The following CORO1C variants were observed in gnomAD, a reference collection of about 807,000 sequenced individuals.
CORO1C encodes coronin-1C.
CORO1C carries 14 observed loss-of-function variants against 51.2 expected under a neutral mutation model. That is an observed-to-expected ratio of 0.27 (90% confidence interval 0.18 to 0.43). The LOEUF is 0.43. CORO1C is among the 20% of genes least tolerant of loss of function. CORO1C has a pLI of 1.00. For missense variants in CORO1C, 417 were observed against 607.8 expected, an observed-to-expected ratio of 0.69 and a Z score of 3.30; for synonymous variants, 181 against 210.5, an observed-to-expected ratio of 0.86 and a Z score of 1.21.
In CORO1C at chr12:108,658,830, C is replaced by T. The variant is rs1208573482; in HGVS notation, c.538G>A (p.Val180Met). 1 of 1,613,974 alleles carries T rather than the reference C, an allele frequency of 6.2e-7. No homozygotes were observed. Among genetic ancestry groups the T allele is most frequent in the African/African-American group, 1.3e-5 (1 of 75,044 alleles). Residue 180 changes from valine to methionine, a missense_variant, in exon 5 of 11, where the codon GTG becomes ATG. Coordinates refer to ENST00000261401, the MANE Select transcript of CORO1C (RefSeq NM_014325.4). The surrounding 1 kb of genome is among the most constrained non-coding windows in gnomAD (Gnocchi z 4.9). Reference protein sequence around the residue: ...DDMHSDMIYNVSWNRNGSLIC... With the variant: ...DDMHSDMIYNMSWNRNGSLIC... The stretch of plus-strand genomic sequence containing the variant: ...AGACTGCCATTCCGGTTCCAGCTCA[C>T]ATTGTAAATCATGTCTGAATGCATA...
chr12:108,655,426 C>T (rs1377970908), intron 6 of CORO1C, among the ~76,000 whole-genome samples: 5 of 150,202 alleles, frequency 3.3e-5, no homozygotes, highest in Admixed American at 3.3e-4. Flanking sequence ...CGCTCTCCCT[C>T]TGATGCCGAG....
intron 8 of CORO1C, among the ~76,000 whole-genome samples, chr12:108,650,975 T>A (rs1466251002): frequency 6.6e-6 from 1 of 152,262 alleles, no homozygotes; most frequent in Non-Finnish European, 1.5e-5. Context: ...TTTTGTTTGT[T>A]TGAGACGGAG....
In CORO1C at chr12:108,658,594, C is replaced by A; in HGVS notation, c.630+144G>T. ...GAAGCACAACTGGGGAGACAGAAGCCTTTATAAGCCTTCTCTTATTCACAG... is the reference window on the plus strand; with the variant it reads ...GAAGCACAACTGGGGAGACAGAAGCATTTATAAGCCTTCTCTTATTCACAG... On this transcript the variant is annotated intron_variant, in intron 5 of 10. Coordinates refer to ENST00000261401, the MANE Select transcript of CORO1C (RefSeq NM_014325.4). This position sits in a 1 kb window ranked among gnomAD's most constrained non-coding sequence, Gnocchi z 4.9. 1 of 694,358 alleles carries A rather than the reference C, an allele frequency of 1.4e-6. No homozygotes were observed. The highest frequency in any genetic ancestry group is 2.3e-6 in the Non-Finnish European group (1 of 439,656). The allele number at this position is 694,358 out of a possible 1,614,324, so 43.0% of individuals were successfully genotyped here. A position where few individuals can be genotyped will look rare whatever the true frequency, so the allele number is the denominator to read the frequency against.
intron 1 of CORO1C, among the ~76,000 whole-genome samples, chr12:108,721,820 C>A (rs927255201): frequency 3.9e-5 from 6 of 152,070 alleles, no homozygotes; most frequent in Non-Finnish European, 7.4e-5. Flanking sequence ...AATTTACAAT[C>A]ACTACCATGC....
At chr12:108,671,756 TTTTATTTA>T (rs1314521894) in intron 3 of CORO1C, among the ~76,000 whole-genome samples, 1 of 152,062 alleles carries the variant, frequency 6.6e-6, no homozygotes, top group Non-Finnish European at 1.5e-5. Flanking sequence ...GAGTCAATAA[TTTTATTTA>T]TTTATTTATT....
At chr12:108,688,962 C>T (rs377146727) in intron 2 of CORO1C, among the ~76,000 whole-genome samples, 7 of 149,300 alleles carry the variant, frequency 4.7e-5, no homozygotes, top group East Asian at 2.0e-4. Context: ...GCCTGGGAGA[C>T]GGAGGTTGCA....
chr12:108,714,183 G>A (rs768095116), intron 1 of CORO1C, among the ~76,000 whole-genome samples: 1 of 152,020 alleles, frequency 6.6e-6, no homozygotes, highest in Admixed American at 6.5e-5. Context: ...GAAGTCAAGG[G>A]ATTGAAACCA....
Position 108,678,323 on chromosome 12 carries a change from G to C in CORO1C, c.267C>G (p.Cys89Trp). The C allele has an allele frequency of 6.2e-7, 1 of 1,613,016 alleles. No individual in the cohort carries two copies. Among genetic ancestry groups the C allele is most frequent in the Non-Finnish European group, 8.5e-7 (1 of 1,179,368 alleles). The change falls in exon 3 of 11, where the codon TGC (cysteine) becomes TGG (tryptophan). Residue 89 changes from cysteine (C) to tryptophan (W), a missense_variant. Transcript: ENST00000261401. ...HTGPVLDIDW[C>W]PHNDQVIASG... is the part of the protein sequence containing the mutation. Reference sequence around the variant, plus strand: ...TGGCAATGACCTGATCGTTATGTGGGCACCAGTCTATGTCCAGCACTGGTC... The same window carrying C: ...TGGCAATGACCTGATCGTTATGTGGCCACCAGTCTATGTCCAGCACTGGTC...
chr12:108,647,421 C>T lies in CORO1C; in HGVS notation c.1407G>A (p.Met469Ile), dbSNP rs986144684. The T allele has an allele frequency of 1.9e-6, 3 of 1,613,604 alleles. No individual in the cohort carries two copies. The highest frequency in any genetic ancestry group is 2.5e-6 in the Non-Finnish European group (3 of 1,179,824). The change falls in exon 11 of 11, where the codon ATG becomes ATA. Residue 469 changes from methionine to isoleucine, a missense_variant. Met to Ile is a conservative substitution (Grantham distance 10). Coordinates refer to ENST00000261401, the MANE Select transcript of CORO1C (RefSeq NM_014325.4). ...DERISKLEQQ[M>I]AKIAA is the part of the protein sequence containing the mutation. ...GGGACCTTCAGGCTGCTATCTTTGC[C>T]ATCTGCTGTTCTAACTTGGAAATAC...
intron 1 of CORO1C, among the ~76,000 whole-genome samples, chr12:108,720,350 C>G (rs2035446730): frequency 6.6e-6 from 1 of 152,110 alleles, no homozygotes; most frequent in Non-Finnish European, 1.5e-5. Context: ...TGCTTTTTAT[C>G]AGAACATATG....
rs2035713028 is a variant in CORO1C, at chr12:108,731,080, T to G, written c.-6+349A>C. ...GGCGATCCCTGACCCCTAAAAGCCT[T>G]CCCTGGGCAGCCTCGTCCCACCTCG... On this transcript the variant is annotated intron_variant, in intron 1 of 10. Transcript: ENST00000261401. The surrounding 1 kb of genome is among the most constrained non-coding windows in gnomAD (Gnocchi z 5.2). 1 of 153,068 alleles carries G rather than the reference T, an allele frequency of 6.5e-6. No individual in the cohort carries two copies. Among genetic ancestry groups the G allele is most frequent in the African/African-American group, 2.4e-5 (1 of 41,252 alleles). 9.5% of individuals were successfully genotyped at this position (153,068 alleles called of 1,614,324 possible).
intron 2 of CORO1C, among the ~76,000 whole-genome samples, chr12:108,692,207 C>T (rs2034521958): frequency 6.6e-6 from 1 of 152,128 alleles, no homozygotes; most frequent in Admixed American, 6.5e-5. Flanking sequence ...GGCCCATACA[C>T]TTGGCAGTTG....
At chr12:108,690,267 A>T (rs1044578049) in intron 2 of CORO1C, among the ~76,000 whole-genome samples, 1 of 151,418 alleles carries the variant, frequency 6.6e-6, no homozygotes, top group African/African-American at 2.4e-5. Flanking sequence ...AGGGAACCAG[A>T]AATACCATCC....
chr12:108,715,238 A>AAAAAC (rs202229601), intron 1 of CORO1C, among the ~76,000 whole-genome samples: 12 of 152,232 alleles, frequency 7.9e-5, no homozygotes, highest in Admixed American at 4.6e-4. Flanking sequence ...TGTCTCTTAA[A>AAAAAC]AAAACAAAAC....
intron 1 of CORO1C, among the ~76,000 whole-genome samples, chr12:108,710,225 T>C (rs1051022675): frequency 6.6e-6 from 1 of 152,240 alleles, no homozygotes; most frequent in South Asian, 2.1e-4. Flanking sequence ...ATGCTCTCTC[T>C]GGGCGTTGGT....
At position 108,669,612 on chromosome 12, in the gene CORO1C, T is replaced by C. The variant is rs193073074; in HGVS notation, c.319-7454A>G. On this transcript the variant is annotated intron_variant, in intron 3 of 10. Coordinates refer to ENST00000261401, the MANE Select transcript of CORO1C (RefSeq NM_014325.4). ...TAGGCCTTGTTATACTATCTACTAT[T>C]TGTAGCTCATGAGCTACTACCAATA... Among the ~76,000 whole-genome samples the C allele has an allele frequency of 9.2e-4, 137 of 149,032 alleles. 1 individual carries two copies. The highest frequency in any genetic ancestry group is 3.4e-3 in the Middle Eastern group (1 of 292).
chr12:108,728,434 G>A (rs572700995), intron 1 of CORO1C, among the ~76,000 whole-genome samples: 8 of 152,060 alleles, frequency 5.3e-5, no homozygotes, highest in African/African-American at 1.9e-4. Flanking sequence ...ACCACATAGT[G>A]TATGATTCCA....
In CORO1C at chr12:108,648,987, A is replaced by G. The variant is rs140261481; in HGVS notation, c.1035T>C (p.Pro345=). Residue 345 remains proline, a synonymous_variant, in exon 9 of 11, where the codon CCT becomes CCC. Transcript: ENST00000261401. ...CCTTCCTGGGAACAGTCATAATAATAGGTTCACACTTTCTCTCATGAAGTT... is the reference window on the plus strand; with the variant it reads ...CCTTCCTGGGAACAGTCATAATAATGGGTTCACACTTTCTCTCATGAAGTT... ...FFKLHERKCE[P]IIMTVPRKSD... is the part of the protein sequence containing the mutation. The G allele has an allele frequency of 3.1e-6, 5 of 1,614,208 alleles. No individual in the cohort carries two copies. The highest frequency in any genetic ancestry group is 4.2e-6 in the Non-Finnish European group (5 of 1,180,042).
intron 1 of CORO1C, chr12:108,702,066 A>T (rs1457132703): frequency 6.5e-6 from 1 of 152,776 alleles, no homozygotes; most frequent in African/African-American, 2.4e-5. Flanking sequence ...AAGCAGAGCA[A>T]AAGTATTTAA....
Sources: allele counts gnomAD v4.1 joint callset (sites outside exome capture counted in the v4.1 genomes callset), GRCh38; gene constraint gnomAD v4.1.1; non-coding constraint Gnocchi (gnomAD v3.1); transcripts MANE v1.5; gene names NCBI Gene and HGNC (gene_info 2026-07-23, HGNC 2026-07-21).